The following PRH1 variants were observed in gnomAD, a reference collection of about 807,000 sequenced individuals.
PRH1 encodes the protein salivary acidic proline-rich phosphoprotein 1/2.
Under a neutral mutation model 7.9 loss-of-function variants are expected in PRH1, and 7 were observed. The ratio of observed to expected loss-of-function variants is 0.89; its 90% confidence interval spans 0.50 to 1.67. PRH1 has a LOEUF of 1.67. Among genes scored for constraint, PRH1 ranks in the 40% most tolerant of loss-of-function variants. The pLI, the probability that PRH1 is intolerant of heterozygous loss-of-function variation, is 0.00. For missense variants in PRH1, 109 were observed against 223.6 expected (o/e 0.49, Z 3.27); for synonymous variants, 45 against 80.8 (o/e 0.56, Z 2.38).
chr12:10,931,721 C>G (rs1469756197), intron 2 of PRH1, among the ~76,000 whole-genome samples: 1 of 152,066 alleles, frequency 6.6e-6, no homozygotes, highest in African/African-American at 2.4e-5. Flanking sequence ...ACCACTAATA[C>G]CACACTTTAT....
chr12:11,157,603 T>G (rs1406370145), intron 1 of PRH1, among the ~76,000 whole-genome samples: 2 of 152,240 alleles, frequency 1.3e-5, no homozygotes, highest in Non-Finnish European at 2.9e-5. Context: ...CTGATGAGTT[T>G]AAGATTATTT....
chr12:11,151,708 G>A (rs1437000276), intron 1 of PRH1, among the ~76,000 whole-genome samples: 1 of 152,116 alleles, frequency 6.6e-6, no homozygotes, highest in Admixed American at 6.6e-5. Flanking sequence ...TTACAAGATT[G>A]CCTGTAGTTG....
chr12:10,910,849 ATGTT>A (rs1197616378), intron 2 of PRH1, among the ~76,000 whole-genome samples: 14 of 152,360 alleles, frequency 9.2e-5, no homozygotes, highest in Middle Eastern at 3.4e-3. Context: ...TGAATTATGA[ATGTT>A]TGTATTTTAT....
At chr12:11,125,266 TTC>T (rs1391833312) in intron 1 of PRH1, among the ~76,000 whole-genome samples, 6 of 152,304 alleles carry the variant, frequency 3.9e-5, no homozygotes, top group Non-Finnish European at 8.8e-5. Flanking sequence ...TTTTACCACA[TTC>T]TAAAAATTAC....
chr12:10,885,828 T>C (rs1591646736), upstream of PRH1, among the ~76,000 whole-genome samples: 1 of 152,286 alleles, frequency 6.6e-6, no homozygotes, highest in Middle Eastern at 3.4e-3. Flanking sequence ...TGACAGAAAA[T>C]CATAAAGACA....
At chr12:10,980,178 C>G (rs1310985408) in intron 1 of PRH1, among the ~76,000 whole-genome samples, 1 of 152,052 alleles carries the variant, frequency 6.6e-6, no homozygotes, top group Non-Finnish European at 1.5e-5. Context: ...ATACCACACA[C>G]AAAAATTAAC....
chr12:11,124,846 C>T (rs1040655023), intron 1 of PRH1, among the ~76,000 whole-genome samples: 1 of 151,736 alleles, frequency 6.6e-6, no homozygotes, highest in Non-Finnish European at 1.5e-5. Context: ...CATGGATTTA[C>T]GATTTTTTTT....
At chr12:11,105,938 T>TAAGAAGCTCATTAATACAAACACAC (rs1592024777) in intron 1 of PRH1, among the ~76,000 whole-genome samples, 21 of 99,496 alleles carry the variant, frequency 2.1e-4, no homozygotes, top group South Asian at 3.0e-4. Flanking sequence ...AACTTATTCT[T>TAAGAAGCTCATTAATACAAACACAC]TTTTTTTTTT....
chr12:11,091,115 CATAT>C (rs1555163213), intron 1 of PRH1, among the ~76,000 whole-genome samples: 3,042 of 25,154 alleles, frequency 0.12, 768 homozygotes, highest in African/African-American at 0.22. Context: ...CACACACACA[CATAT>C]ATATATATAT....
intron 2 of PRH1, among the ~76,000 whole-genome samples, chr12:10,929,992 C>T (rs1281599579): frequency 1.3e-5 from 2 of 152,152 alleles, no homozygotes; most frequent in Admixed American, 6.5e-5. Flanking sequence ...TTGAAATACT[C>T]AAGAGCCCTT....
At chr12:11,143,768 G>GA (rs1314041518) in intron 1 of PRH1, among the ~76,000 whole-genome samples, 1 of 138,910 alleles carries the variant, frequency 7.2e-6, no homozygotes, top group African/African-American at 2.6e-5. Flanking sequence ...TCAACTCATC[G>GA]AAAGGATATA....
chr12:11,023,539 C>A (rs1361965497), intron 1 of PRH1, among the ~76,000 whole-genome samples: 1 of 152,194 alleles, frequency 6.6e-6, no homozygotes, highest in African/African-American at 2.4e-5. Flanking sequence ...CCACCTCAGG[C>A]AGGGTGACTA....
chr12:11,143,560 CAT>C (rs1204730181), intron 1 of PRH1, among the ~76,000 whole-genome samples: 1 of 152,054 alleles, frequency 6.6e-6, no homozygotes, highest in East Asian at 1.9e-4. Context: ...AATCAAAAGG[CAT>C]AGTCTAGCTA....
chr12:10,935,838 C>T (rs1950279475), intron 2 of PRH1, among the ~76,000 whole-genome samples: 1 of 152,062 alleles, frequency 6.6e-6, no homozygotes, highest in Non-Finnish European at 1.5e-5. Context: ...TTGGAGGGAT[C>T]CAGATTGAGG....
At chr12:11,022,819 C>A (rs1565561656) in intron 1 of PRH1, among the ~76,000 whole-genome samples, 1 of 152,106 alleles carries the variant, frequency 6.6e-6, no homozygotes, top group Non-Finnish European at 1.5e-5. Flanking sequence ...CATATACATT[C>A]TCTCCTTGCT....
chr12:11,081,856 TTA>T (rs1944510430), intron 1 of PRH1, among the ~76,000 whole-genome samples: 1 of 117,804 alleles, frequency 8.5e-6, no homozygotes, highest in African/African-American at 2.8e-5. Context: ...CCTAACATCC[TTA>T]CTTTATAAAT....
At chr12:10,976,665 A>G (rs1939113513) in intron 1 of PRH1, among the ~76,000 whole-genome samples, 2 of 151,774 alleles carry the variant, frequency 1.3e-5, no homozygotes, top group South Asian at 2.1e-4. Context: ...TAGATAGAAC[A>G]CTAGCCACAA....
At chr12:10,887,058 T>C (rs1565450807), upstream of PRH1, among the ~76,000 whole-genome samples, 1 of 152,264 alleles carries the variant, frequency 6.6e-6, no homozygotes, top group Non-Finnish European at 1.5e-5. Flanking sequence ...TTTTTTCTTC[T>C]GCACTTGTGA....
intron 1 of PRH1, among the ~76,000 whole-genome samples, chr12:11,017,488 T>TTA (rs543272370): frequency 0.23 from 34,386 of 150,200 alleles, 3,935 homozygotes; most frequent in Non-Finnish European, 0.24. Context: ...TTAATTAATT[T>TTA]ATTTATTTAT....
Sources: allele counts gnomAD v4.1 joint callset (sites outside exome capture counted in the v4.1 genomes callset), GRCh38; gene constraint gnomAD v4.1.1; transcripts MANE v1.5; gene names NCBI Gene and HGNC (gene_info 2026-07-23, HGNC 2026-07-21).